PJA2: variants seen among roughly 807,000 people sequenced by gnomAD.
The protein encoded by PJA2 is praja ring finger ubiquitin ligase 2.
In PJA2, 25 loss-of-function variants were observed where a neutral mutation model predicts 69.3. That is an observed-to-expected ratio of 0.36 (90% CI 0.26 to 0.50). The LOEUF is 0.50. Among genes scored for constraint, PJA2 ranks in the 20% least tolerant of loss-of-function variants. PJA2 has a pLI of 0.96. For missense variants in PJA2, 809 were observed against 830.2 expected, an observed-to-expected ratio of 0.97 and a Z score of 0.31; for synonymous variants, 308 against 277.8, an observed-to-expected ratio of 1.11 and a Z score of -1.08.
At chr5:109,353,756 TGATATCTAGA>T (rs1195325275) in intron 7 of PJA2, among the ~76,000 whole-genome samples, 2 of 118,634 alleles carry the variant, frequency 1.7e-5, no homozygotes, top group African/African-American at 7.0e-5. Flanking sequence ...TAGATATCTA[TGATATCTAGA>T]GATATCTATA....
intron 9 of PJA2, among the ~76,000 whole-genome samples, chr5:109,337,847 G>A (rs1308305654): frequency 6.6e-6 from 1 of 152,026 alleles, no homozygotes; most frequent in Admixed American, 6.5e-5. Context: ...AATTAACGTA[G>A]GTCGATGGCA....
chr5:109,405,340 A>G (rs115669119), intron 1 of PJA2, among the ~76,000 whole-genome samples: 1,558 of 152,336 alleles, frequency 0.01, 29 homozygotes, highest in African/African-American at 0.035. Context: ...CAAGATGTCG[A>G]TTCTTCCTAA....
intron 4 of PJA2, among the ~76,000 whole-genome samples, chr5:109,369,387 T>C (rs1762635749): frequency 6.6e-6 from 1 of 152,180 alleles, no homozygotes; most frequent in South Asian, 2.1e-4. Context: ...ATATATCACT[T>C]TACTTTTTCT....
intron 7 of PJA2, among the ~76,000 whole-genome samples, chr5:109,349,590 A>G (rs1762217824): frequency 6.6e-6 from 1 of 152,090 alleles, no homozygotes; most frequent in Non-Finnish European, 1.5e-5. Context: ...TCAGCACCCT[A>G]AGAGAGCTGA....
intron 1 of PJA2, chr5:109,409,403 G>C (rs887559350): frequency 6.6e-6 from 1 of 152,534 alleles, no homozygotes; most frequent in Non-Finnish European, 1.5e-5. Context: ...CGCTCTACGC[G>C]GGGTGACGGG....
intron 7 of PJA2, among the ~76,000 whole-genome samples, chr5:109,354,527 C>T (rs1158794134): frequency 2.4e-5 from 1 of 41,904 alleles, no homozygotes; most frequent in Non-Finnish European, 4.9e-5. Flanking sequence ...TATTAGATAT[C>T]TATAATATCT....
intron 5 of PJA2, among the ~76,000 whole-genome samples, chr5:109,364,768 T>C (rs1762560122): frequency 4.7e-5 from 3 of 64,448 alleles, no homozygotes; most frequent in Admixed American, 3.7e-4. Flanking sequence ...AATAGAAGCT[T>C]AAAATGTAAA....
intron 1 of PJA2, among the ~76,000 whole-genome samples, chr5:109,405,547 C>T (rs888731525): frequency 1.1e-4 from 16 of 152,068 alleles, no homozygotes; most frequent in Middle Eastern, 3.2e-3. Flanking sequence ...TCAGTACTGG[C>T]AAAATTATAG....
chr5:109,342,868 G>A (rs1255241061), intron 9 of PJA2, among the ~76,000 whole-genome samples: 2 of 12,966 alleles, frequency 1.5e-4, no homozygotes, highest in African/African-American at 6.1e-4. Flanking sequence ...CGCCCCGTCC[G>A]GGAGGGAGGT....
chr5:109,372,605 C>G (rs893163673), intron 4 of PJA2, among the ~76,000 whole-genome samples: 14 of 152,036 alleles, frequency 9.2e-5, no homozygotes, highest in African/African-American at 3.1e-4. Context: ...GAGGTCACCA[C>G]TGACATTAAA....
intron 9 of PJA2, among the ~76,000 whole-genome samples, chr5:109,339,581 AC>A (rs1389611778): frequency 2.6e-4 from 39 of 152,334 alleles, no homozygotes; most frequent in African/African-American, 9.4e-4. Context: ...GACCTCACAG[AC>A]TCAGCCATGC....
In PJA2 at chr5:109,337,204, C is replaced by A. The variant is rs773523335; in HGVS notation, c.*27G>T. The A allele has an allele frequency of 6.2e-7, 1 of 1,608,776 alleles. No homozygotes were observed. The highest frequency in any genetic ancestry group is 8.5e-7 in the Non-Finnish European group (1 of 1,178,084). ...AGGAATTTGCAGATTTACTTTGATA[C>A]ACTGATCTCATTTCAACTGTCAAGG... On this transcript the variant is annotated 3_prime_UTR_variant, in exon 10 of 10. Transcript: ENST00000361189.
intron 9 of PJA2, among the ~76,000 whole-genome samples, chr5:109,337,984 C>A (rs1208422302): frequency 6.6e-6 from 1 of 152,050 alleles, no homozygotes; most frequent in Non-Finnish European, 1.5e-5. Context: ...AATGACAAAA[C>A]AATCAACCAC....
At position 109,378,849 on chromosome 5, in the gene PJA2, G is replaced by C. The variant is rs1344665460; in HGVS notation, c.638C>G (p.Thr213Ser). 1 of 1,613,962 alleles carries C rather than the reference G, an allele frequency of 6.2e-7. No homozygotes were observed. The highest frequency in any genetic ancestry group is 8.5e-7 in the Non-Finnish European group (1 of 1,180,024). Reference sequence around the variant, plus strand: ...TGAGGGAACTGGTGGTGAAAGACCAGTGTATGCCTCTGCCTCTCTGTTTTC... The same window carrying C: ...TGAGGGAACTGGTGGTGAAAGACCACTGTATGCCTCTGCCTCTCTGTTTTC... Reference protein sequence around the residue: ...ELENREAEAYTGLSPPVPSFN... With the variant: ...ELENREAEAYSGLSPPVPSFN... Residue 213 changes from threonine (T) to serine (S), a missense_variant, in exon 4 of 10, where the codon ACT (threonine) becomes AGT (serine). Thr to Ser is a moderately conservative substitution (Grantham distance 58). This residue lies in a region of PJA2 where 700 missense variants were observed against 639.5 expected (regional missense o/e 1.09). Coordinates refer to ENST00000361189, the MANE Select transcript of PJA2 (RefSeq NM_014819.5).
In PJA2 at chr5:109,378,977, T is replaced by C. The variant is rs893681795; in HGVS notation, c.510A>G (p.Pro170=). The C allele has an allele frequency of 6.2e-7, 1 of 1,614,214 alleles. No homozygotes were observed. Residue 170 remains proline, a synonymous_variant, in exon 4 of 10, where the codon CCA becomes CCG. Coordinates refer to ENST00000361189, the MANE Select transcript of PJA2 (RefSeq NM_014819.5). ...CATTATCTTCTCCATGTTTGCCATC[T>C]GGATCATAAGAGTCTGTATGAACCA... ...IALVHTDSYD[P]DGKHGEDNDH...
intron 7 of PJA2, among the ~76,000 whole-genome samples, chr5:109,349,338 T>A (rs944606443): frequency 2.6e-5 from 4 of 152,186 alleles, no homozygotes; most frequent in African/African-American, 7.2e-5. Flanking sequence ...TCACAGAGGA[T>A]GTTGAAGAAC....
At chr5:109,394,935 G>A (rs1005278316) in intron 1 of PJA2, among the ~76,000 whole-genome samples, 4 of 152,110 alleles carry the variant, frequency 2.6e-5, no homozygotes, top group Admixed American at 1.3e-4. Context: ...GAAAAGAGGA[G>A]GAATATCTCG....
chr5:109,355,089 A>T (rs1762391512), intron 7 of PJA2, among the ~76,000 whole-genome samples: 1 of 152,130 alleles, frequency 6.6e-6, no homozygotes, highest in African/African-American at 2.4e-5. Flanking sequence ...GCACCACTGC[A>T]CTCCAGCTTG....
rs1746968488 is a variant in PJA2 at position 109,378,937 on chromosome 5, A to G, written c.550T>C (p.Ser184Pro). The change falls in exon 4 of 10, where the codon TCT becomes CCT. Residue 184 changes from serine to proline, a missense_variant. Coordinates refer to ENST00000361189, the MANE Select transcript of PJA2 (RefSeq NM_014819.5). The part of the protein sequence containing the change: ...HGEDNDHLQL[S>P]AEVVEGSRYQ... ...CTACTACCTTCCACGACTTCTGCAG[A>G]AAGTTGAAGATGGTCATTATCTTCT... The G allele has an allele frequency of 6.2e-7, 1 of 1,614,216 alleles. No homozygotes were observed. The highest frequency in any genetic ancestry group is 1.1e-5 in the South Asian group (1 of 91,082).
Sources: gnomAD v4.1 joint callset for allele counts (sites outside exome capture counted in the v4.1 genomes callset) on GRCh38, gnomAD v4.1.1 for gene constraint, gnomAD v4.1.1 regional missense constraint, MANE v1.5 for transcripts, NCBI Gene and HGNC (gene_info 2026-07-23, HGNC 2026-07-21) for gene names.